The following PCNX2 variants were observed in gnomAD, a reference collection of about 807,000 sequenced individuals.
PCNX2 encodes the protein pecanex-like protein 2.
In PCNX2, 168 loss-of-function variants were observed where a neutral mutation model predicts 223.8. That is an observed-to-expected ratio of 0.75 (90% CI 0.66 to 0.85). The LOEUF (loss-of-function observed/expected upper bound fraction) is 0.85, where lower values mean the gene tolerates loss of function less well. Ranked by LOEUF, PCNX2 falls within the 40% of genes least tolerant of loss-of-function variation. The pLI is 0.00. For synonymous variants in PCNX2, 1,006 were observed against 1,052.6 expected, an observed-to-expected ratio of 0.96 and a Z score of 0.86; for missense variants, 2,507 against 2,675.5, an observed-to-expected ratio of 0.94 and a Z score of 1.39.
intron 9 of PCNX2, among the ~76,000 whole-genome samples, chr1:233,233,448 G>GTGTGTGTGTGTGTGTGTGTT (rs1658193230): frequency 6.6e-6 from 1 of 151,568 alleles, no homozygotes; most frequent in Admixed American, 6.6e-5. Flanking sequence ...GTGTGTGTGT[G>GTGTGTGTGTGTGTGTGTGTT]TGTGTGTGTG....
chr1:233,145,845 T>C lies in PCNX2; in HGVS notation c.3518-5990A>G, dbSNP rs1379980718. ...CTCCTGGGCAGACCCCACCACTTCCTTACCTTCGGTGCTCTACTGACGTCC... is the reference window on the plus strand; with the variant it reads ...CTCCTGGGCAGACCCCACCACTTCCCTACCTTCGGTGCTCTACTGACGTCC... On this transcript the variant is annotated intron_variant, in intron 19 of 33. Transcript: ENST00000258229. Among the ~76,000 whole-genome samples the C allele has an allele frequency of 1.1e-4, 16 of 152,188 alleles. 1 individual carries two copies. The highest frequency in any genetic ancestry group is 1.0e-3 in the Admixed American group (16 of 15,280).
In PCNX2 at chr1:233,227,177, C is replaced by T. The variant is rs781299679; in HGVS notation, c.2504+49G>A. On this transcript the variant is annotated intron_variant, in intron 10 of 33. Transcript: ENST00000258229. Reference sequence around the variant, plus strand: ...TGAAAGCATGCAGTGGGCACTGTCACGTCCCCGGTGTGCCTTCCGACAGTG... The same window carrying T: ...TGAAAGCATGCAGTGGGCACTGTCATGTCCCCGGTGTGCCTTCCGACAGTG... 19 of 1,545,428 alleles carry T rather than the reference C, an allele frequency of 1.2e-5. No individual in the cohort carries two copies. The South Asian group carries it at 1.9e-4, about 15-fold the overall frequency.
chr1:233,322,124 C>T, the PCNX2 span, among the ~76,000 whole-genome samples: 1 of 152,180 alleles, frequency 6.6e-6, no homozygotes, highest in Admixed American at 6.5e-5. Flanking sequence ...CAACCCCATA[C>T]AGCCATTCCT....
At chr1:233,048,394 T>C (rs1449011245) in intron 25 of PCNX2, among the ~76,000 whole-genome samples, 1 of 152,168 alleles carries the variant, frequency 6.6e-6, no homozygotes, top group African/African-American at 2.4e-5. Flanking sequence ...GAGGCAGATG[T>C]TGCAGTGAGC....
chr1:233,218,027 T>C lies in PCNX2; in HGVS notation c.2658+4A>G. On this transcript the variant is annotated splice_donor_region_variant and intron_variant, in intron 11 of 33. Coordinates refer to ENST00000258229, the MANE Select transcript of PCNX2 (RefSeq NM_014801.4). ...CTACTGGTAAGAATTAGATGTGGTC[T>C]TGCCTTTAGCAGGGAGTACTGGCAG... 1 of 1,610,310 alleles carries C rather than the reference T, an allele frequency of 6.2e-7. No homozygotes were observed. Among genetic ancestry groups the C allele is most frequent in the Non-Finnish European group, 8.5e-7 (1 of 1,178,296 alleles).
chr1:233,064,873 C>A (rs1174481450), intron 23 of PCNX2, among the ~76,000 whole-genome samples: 1 of 152,104 alleles, frequency 6.6e-6, no homozygotes, highest in Non-Finnish European at 1.5e-5. Context: ...GTTAGCCATA[C>A]TGAAAAAATA....
At position 232,983,547 on chromosome 1, in the gene PCNX2, T is replaced by C. The variant is rs1393656252; in HGVS notation, c.*757A>G. The C allele has an allele frequency of 2.6e-5, 4 of 152,252 alleles. No homozygotes were observed. Among genetic ancestry groups the C allele is most frequent in the African/African-American group, 9.6e-5 (4 of 41,476 alleles). The allele number at this position is 152,252 out of a possible 1,614,324, so 9.4% of individuals were successfully genotyped here. A position where few individuals can be genotyped will look rare whatever the true frequency, so the allele number is the denominator to read the frequency against. ...CGTCCCTGTGAAGCCCGCAGGGTGC[T>C]GGCGGCCCACCAATCGCCTGGACTA... is the stretch of plus-strand genomic sequence containing the variant. On this transcript the variant is annotated 3_prime_UTR_variant, in exon 34 of 34. Coordinates refer to ENST00000258229, the MANE Select transcript of PCNX2 (RefSeq NM_014801.4).
chr1:233,215,725 G>A (rs1682084915), intron 12 of PCNX2, among the ~76,000 whole-genome samples: 1 of 152,188 alleles, frequency 6.6e-6, no homozygotes, highest in South Asian at 2.1e-4. Flanking sequence ...CAGGAGAATG[G>A]TGATGTGGCA....
chr1:233,180,412 A>C (rs1302759991), intron 15 of PCNX2, among the ~76,000 whole-genome samples: 1 of 152,178 alleles, frequency 6.6e-6, no homozygotes, highest in Non-Finnish European at 1.5e-5. Context: ...CTCATACACC[A>C]AGAAGAAAAC....
chr1:233,156,783 T>G (rs542946969), intron 19 of PCNX2, among the ~76,000 whole-genome samples: 1 of 152,204 alleles, frequency 6.6e-6, no homozygotes, highest in African/African-American at 2.4e-5. Flanking sequence ...CCGGGTGTGG[T>G]GGCGGGCACC....
At chr1:233,013,816 A>G (rs900133024) in intron 28 of PCNX2, among the ~76,000 whole-genome samples, 5 of 152,154 alleles carry the variant, frequency 3.3e-5, no homozygotes, top group African/African-American at 1.2e-4. Context: ...CCACCCACAG[A>G]GGTGCTGATG....
At chr1:233,194,816 A>T (rs1438133861) in intron 15 of PCNX2, among the ~76,000 whole-genome samples, 1 of 152,104 alleles carries the variant, frequency 6.6e-6, no homozygotes, top group Non-Finnish European at 1.5e-5. Flanking sequence ...GGAGATTGAG[A>T]TCATCCTAGC....
the PCNX2 span, among the ~76,000 whole-genome samples, chr1:233,308,832 T>G: frequency 6.6e-6 from 1 of 152,152 alleles, no homozygotes; most frequent in Non-Finnish European, 1.5e-5. Flanking sequence ...TGAAAGATAT[T>G]TTTTAAAGTA....
At chr1:233,320,731 G>C in the PCNX2 span, among the ~76,000 whole-genome samples, 2 of 152,276 alleles carry the variant, frequency 1.3e-5, no homozygotes, top group East Asian at 1.9e-4. Flanking sequence ...AATGACATTG[G>C]TCGTTTGGAA....
chr1:233,242,160 G>GAT (rs1394688743), intron 8 of PCNX2, among the ~76,000 whole-genome samples: 3 of 152,106 alleles, frequency 2.0e-5, no homozygotes, highest in Non-Finnish European at 4.4e-5. Context: ...TGGGTTCAGA[G>GAT]ATATACGGCA....
Position 232,999,756 on chromosome 1 carries a change from G to A in PCNX2, c.5329-377C>T, listed in dbSNP as rs1670013477. 4 of 219,858 alleles carry A rather than the reference G, an allele frequency of 1.8e-5. No individual in the cohort carries two copies. The South Asian group carries it at 2.8e-4, about 16-fold the overall frequency. 13.6% of individuals were successfully genotyped at this position (219,858 alleles called of 1,614,324 possible). ...AATGAGAGAGCAGGGCTCTGGGACT[G>A]AATATCTGTGACTACAAAACTTTGG... On this transcript the variant is annotated intron_variant, in intron 30 of 33. Transcript: ENST00000258229.
At chr1:233,198,432 G>A (rs1680861657) in intron 15 of PCNX2, among the ~76,000 whole-genome samples, 1 of 152,162 alleles carries the variant, frequency 6.6e-6, no homozygotes, top group African/African-American at 2.4e-5. Context: ...TGTTTATCTT[G>A]TTTTCTCATC....
At chr1:233,250,953 C>A in intron 7 of PCNX2, 121 bp from the exon 8 acceptor site, 1 of 1,022,718 alleles carries the variant, frequency 9.8e-7, no homozygotes. Flanking sequence ...TAACTGTTGA[C>A]AATCGGGGTC....
chr1:233,179,165 C>A lies in PCNX2; in HGVS notation c.3077G>T (p.Ser1026Ile). ...VCFSAVKEPWSMQHIPALFSA... is the reference protein window; with the variant it reads ...VCFSAVKEPWIMQHIPALFSA... ...AAACAGTGCCGGGATGTGTTGCATGCTCCACGGTTCCTAAAGAAAAGACAT... is the reference window on the plus strand; with the variant it reads ...AAACAGTGCCGGGATGTGTTGCATGATCCACGGTTCCTAAAGAAAAGACAT... The change falls in exon 16 of 34, where the codon AGC becomes ATC. Residue 1026 changes from serine (S) to isoleucine (I), a missense_variant. Ser to Ile is a moderately radical substitution (Grantham distance 142). Transcript: ENST00000258229. 6.2e-7 allele frequency: 1 copy of A among 1,613,754 alleles called. No individual in the cohort carries two copies. Among genetic ancestry groups the A allele is most frequent in the South Asian group, 1.1e-5 (1 of 91,090 alleles).
Sources: gnomAD v4.1 joint callset for allele counts (sites outside exome capture counted in the v4.1 genomes callset) on GRCh38, gnomAD v4.1.1 for gene constraint, MANE v1.5 for transcripts, NCBI Gene and HGNC (gene_info 2026-07-23, HGNC 2026-07-21) for gene names.